The following ARK2N variants were observed in gnomAD, a reference collection of about 807,000 sequenced individuals.
ARK2N encodes the protein protein ARK2N.
the ARK2N span, among the ~76,000 whole-genome samples, chr18:46,261,479 T>C: frequency 2.6e-5 from 4 of 152,260 alleles, no homozygotes; most frequent in Non-Finnish European, 2.9e-5. Flanking sequence ...TGGCCTTCAG[T>C]CATCAAAACC....
At chr18:46,251,812 T>G in the ARK2N span, among the ~76,000 whole-genome samples, 1 of 152,144 alleles carries the variant, frequency 6.6e-6, no homozygotes, top group Non-Finnish European at 1.5e-5. Flanking sequence ...GTTTACAGGG[T>G]CAGAAGGTAT....
chr18:46,232,411 T>A, the ARK2N span: 1 of 152,230 alleles, frequency 6.6e-6, no homozygotes, highest in Non-Finnish European at 1.5e-5. Flanking sequence ...TGAAAAAGAT[T>A]TTGTGGAATG....
chr18:46,197,291 G>A, the ARK2N span, among the ~76,000 whole-genome samples: 1 of 151,930 alleles, frequency 6.6e-6, no homozygotes. Context: ...CTGGAGTGCA[G>A]TGGTGCAATC....
the ARK2N span, among the ~76,000 whole-genome samples, chr18:46,221,837 C>G: frequency 6.6e-6 from 1 of 152,132 alleles, no homozygotes; most frequent in East Asian, 1.9e-4. Flanking sequence ...GACCTTTTTC[C>G]TAGATTGAAT....
the ARK2N span, among the ~76,000 whole-genome samples, chr18:46,250,200 T>C: frequency 2.0e-5 from 3 of 152,184 alleles, no homozygotes; most frequent in Non-Finnish European, 2.9e-5. Flanking sequence ...TACTCCGTGA[T>C]AGTTTCACTC....
At chr18:46,236,238 C>T in the ARK2N span, among the ~76,000 whole-genome samples, 1 of 152,166 alleles carries the variant, frequency 6.6e-6, no homozygotes, top group South Asian at 2.1e-4. Flanking sequence ...GTCTCGAACT[C>T]CTGGGCTCAA....
chr18:46,265,768 T>C, the ARK2N span: 4 of 152,662 alleles, frequency 2.6e-5, no homozygotes, highest in Non-Finnish European at 5.9e-5. Context: ...TCCTGTGACA[T>C]TTGAAGTTTC....
the ARK2N span, among the ~76,000 whole-genome samples, chr18:46,186,527 C>T: frequency 5.9e-5 from 6 of 101,502 alleles, no homozygotes; most frequent in East Asian, 6.1e-4. Context: ...TTTTTTGAGA[C>T]GGAGTCTCGC....
chr18:46,187,269 G>A, the ARK2N span, among the ~76,000 whole-genome samples: 11 of 150,772 alleles, frequency 7.3e-5, no homozygotes, highest in Non-Finnish European at 1.5e-4. Flanking sequence ...GTGACAGAGC[G>A]AGACTCTGTC....
the ARK2N span, among the ~76,000 whole-genome samples, chr18:46,231,479 A>G: frequency 2.6e-5 from 4 of 152,064 alleles, no homozygotes; most frequent in Admixed American, 2.6e-4. Context: ...GGTATGTAAG[A>G]AAATAAAAGT....
chr18:46,222,710 A>G, the ARK2N span, among the ~76,000 whole-genome samples: 2 of 152,296 alleles, frequency 1.3e-5, no homozygotes, highest in South Asian at 2.1e-4. Flanking sequence ...GTTTTTTAAT[A>G]GATTTTGCTT....
the ARK2N span, among the ~76,000 whole-genome samples, chr18:46,208,464 CTTTTTTTTTTT>C: frequency 2.6e-4 from 18 of 68,394 alleles, no homozygotes; most frequent in East Asian, 2.6e-3. Context: ...GTTCTTAAAT[CTTTTTTTTTTT>C]TTTTTTTTTT....
At chr18:46,253,912 T>C in the ARK2N span, 1 of 1,383,716 alleles carries the variant, frequency 7.2e-7, no homozygotes, top group Admixed American at 2.3e-5. Context: ...GTAGACTTTA[T>C]GGCATAGCTG....
At chr18:46,187,929 C>G in the ARK2N span, among the ~76,000 whole-genome samples, 2 of 152,140 alleles carry the variant, frequency 1.3e-5, no homozygotes, top group African/African-American at 4.8e-5. Context: ...TGAGGCTAAA[C>G]TGGAACTCCC....
chr18:46,179,460 A>G, the ARK2N span, among the ~76,000 whole-genome samples: 1 of 152,054 alleles, frequency 6.6e-6, no homozygotes, highest in South Asian at 2.1e-4. Flanking sequence ...TTATGATTCC[A>G]CTTAAAGAAG....
the ARK2N span, among the ~76,000 whole-genome samples, chr18:46,192,871 C>G: frequency 1.5e-5 from 1 of 66,612 alleles, no homozygotes; most frequent in African/African-American, 4.7e-5. Context: ...CTACGCCCGG[C>G]TGAGACTGTC....
At chr18:46,253,193 A>G in the ARK2N span, among the ~76,000 whole-genome samples, 3 of 152,184 alleles carry the variant, frequency 2.0e-5, no homozygotes, top group Non-Finnish European at 4.4e-5. Context: ...TAAATATGGT[A>G]TTAGTGATTA....
At chr18:46,178,503 G>T in the ARK2N span, among the ~76,000 whole-genome samples, 2 of 152,206 alleles carry the variant, frequency 1.3e-5, no homozygotes, top group East Asian at 1.9e-4. Context: ...TAGAGACAGG[G>T]TTTCACCATG....
At chr18:46,181,235 T>C in the ARK2N span, among the ~76,000 whole-genome samples, 6 of 152,010 alleles carry the variant, frequency 3.9e-5, no homozygotes, top group African/African-American at 7.2e-5. Flanking sequence ...ACTCCAGCTC[T>C]GGGCAACAGA....
Sources: gnomAD v4.1 joint callset for allele counts (sites outside exome capture counted in the v4.1 genomes callset) on GRCh38, gnomAD v4.1.1 for gene constraint, MANE v1.5 for transcripts, NCBI Gene and HGNC (gene_info 2026-07-23, HGNC 2026-07-21) for gene names.